The following GRM4 variants were observed in gnomAD, a reference collection of about 807,000 sequenced individuals.
The protein encoded by GRM4 is glutamate metabotropic receptor 4.
In GRM4, 28 loss-of-function variants were observed where a neutral mutation model predicts 81.7. The observed-to-expected ratio is 0.34, with a 90% CI of 0.25 to 0.47. The LOEUF is 0.47. GRM4 is among the 20% of genes least tolerant of loss of function. The pLI, the probability that GRM4 is intolerant of heterozygous loss-of-function variation, is 1.00. For synonymous variants in GRM4, 488 were observed against 528.8 expected (o/e 0.92, Z 1.06); for missense variants, 948 against 1,290.0 (o/e 0.73, Z 4.06).
intron 1 of GRM4, among the ~76,000 whole-genome samples, chr6:34,140,081 G>T (rs1238836497): frequency 6.6e-6 from 1 of 152,216 alleles, no homozygotes; most frequent in Non-Finnish European, 1.5e-5. Flanking sequence ...AGGCAGATAA[G>T]GGGACAGGGA....
intron 1 of GRM4, among the ~76,000 whole-genome samples, chr6:34,153,936 A>G (rs1401783594): frequency 6.6e-6 from 1 of 151,824 alleles, no homozygotes; most frequent in African/African-American, 2.4e-5. Flanking sequence ...AAAAAAAAAA[A>G]AAAAAAGTTG....
At chr6:34,139,087 T>C (rs1434667088) in intron 1 of GRM4, among the ~76,000 whole-genome samples, 1 of 152,258 alleles carries the variant, frequency 6.6e-6, no homozygotes, top group Middle Eastern at 3.2e-3. Context: ...CACAGCCGCA[T>C]GCTAAGAGCT....
At chr6:34,120,567 A>C (rs549744949) in intron 2 of GRM4, among the ~76,000 whole-genome samples, 3 of 151,812 alleles carry the variant, frequency 2.0e-5, no homozygotes, top group African/African-American at 7.3e-5. Context: ...CTTCTCAAAA[A>C]CCTCCTTCCA....
chr6:34,100,064 C>G, intron 2 of GRM4: 1 of 984,006 alleles, frequency 1.0e-6, no homozygotes, highest in Non-Finnish European at 1.2e-6. Context: ...GCTGCCTACT[C>G]CTGCCCTGAG....
At chr6:34,065,021 C>A (rs1308525850) in intron 3 of GRM4, among the ~76,000 whole-genome samples, 7 of 152,286 alleles carry the variant, frequency 4.6e-5, no homozygotes, top group Admixed American at 1.3e-4. Flanking sequence ...CCTTTCCTTG[C>A]AAAGCAATGA....
Position 34,136,931 on chromosome 6 carries a change from G to A in GRM4, c.-363-3072C>T, listed in dbSNP as rs931484720. Among the ~76,000 whole-genome samples, 1 of 151,820 alleles carries A rather than the reference G, an allele frequency of 6.6e-6. No homozygotes were observed. The highest frequency in any genetic ancestry group is 2.4e-5 in the African/African-American group (1 of 41,344). On this transcript the variant is annotated intron_variant, in intron 1 of 10. Coordinates refer to ENST00000538487, the MANE Select transcript of GRM4 (RefSeq NM_000841.4). This position sits in a 1 kb window ranked among gnomAD's most constrained non-coding sequence, Gnocchi z 4.1. ...GAGCCACTGAGAGCAGAGGCAGGGTGTGGTGGGGTGGGTTGGGGTGGGGGC... is the reference window on the plus strand; with the variant it reads ...GAGCCACTGAGAGCAGAGGCAGGGTATGGTGGGGTGGGTTGGGGTGGGGGC...
intron 3 of GRM4, among the ~76,000 whole-genome samples, chr6:34,072,053 A>T (rs375842559): frequency 0.08 from 11,914 of 149,536 alleles, 746 homozygotes; most frequent in African/African-American, 0.2. Flanking sequence ...TGCCACACAC[A>T]CACCCATACA....
Position 34,070,930 on chromosome 6 carries a change from A to G in GRM4, c.737-8902T>C, listed in dbSNP as rs1335328821. Among the ~76,000 whole-genome samples the G allele has an allele frequency of 6.6e-6, 1 of 151,822 alleles. No homozygotes were observed. Among genetic ancestry groups the G allele is most frequent in the South Asian group, 2.1e-4 (1 of 4,826 alleles). ...CAGCTCCCATCACACTTATGGACCC[A>G]CTAAGAACCTCGTACAGCCTCATAG... On this transcript the variant is annotated intron_variant, in intron 3 of 10. Coordinates refer to ENST00000538487, the MANE Select transcript of GRM4 (RefSeq NM_000841.4). The surrounding 1 kb of genome is among the most constrained non-coding windows in gnomAD (Gnocchi z 4.6).
intron 3 of GRM4, among the ~76,000 whole-genome samples, chr6:34,075,078 C>G (rs753151535): frequency 6.6e-6 from 1 of 152,224 alleles, no homozygotes; most frequent in African/African-American, 2.4e-5. Context: ...GGGTCCCTAC[C>G]GAGGTCATGC....
At chr6:34,065,168 G>A (rs1766389903) in intron 3 of GRM4, among the ~76,000 whole-genome samples, 1 of 152,114 alleles carries the variant, frequency 6.6e-6, no homozygotes, top group Non-Finnish European at 1.5e-5. Flanking sequence ...GCACGCACTG[G>A]CACAGATCAA....
At position 34,069,202 on chromosome 6, in the gene GRM4, A is replaced by ACACGCACG. The variant is rs879579000; in HGVS notation, c.737-7182_737-7175dup. Among the ~76,000 whole-genome samples the ACACGCACG allele has an allele frequency of 6.5e-3, 927 of 142,270 alleles. 10 individuals carry two copies. The highest frequency in any genetic ancestry group is 0.047 in the Middle Eastern group (13 of 276). The allele number at this position is 142,270 out of a possible 152,430, so 93.3% of individuals were successfully genotyped here. A position where few individuals can be genotyped will look rare whatever the true frequency, so the allele number is the denominator to read the frequency against. On this transcript the variant is annotated intron_variant, in intron 3 of 10. Transcript: ENST00000538487. The surrounding 1 kb of genome is among the most constrained non-coding windows in gnomAD (Gnocchi z 6.4). ...CACACACACACACACACACACACACACACGCACGCACACACGGCTCCTTCC... is the reference window on the plus strand; with the variant it reads ...CACACACACACACACACACACACACACACGCACGCACGCACGCACACACGGCTCCTTCC...
At chr6:34,145,709 C>T (rs932621256) in intron 1 of GRM4, among the ~76,000 whole-genome samples, 1 of 152,204 alleles carries the variant, frequency 6.6e-6, no homozygotes, top group African/African-American at 2.4e-5. Context: ...CCGCTTGCCC[C>T]GGCGCCCACA....
chr6:34,028,940 T>C (rs1764274820), intron 9 of GRM4, among the ~76,000 whole-genome samples: 1 of 152,144 alleles, frequency 6.6e-6, no homozygotes, highest in African/African-American at 2.4e-5. Context: ...CCCATCGCGA[T>C]ATGGTGGTGG....
intron 2 of GRM4, among the ~76,000 whole-genome samples, chr6:34,094,639 G>A (rs1364497782): frequency 1.3e-5 from 2 of 152,200 alleles, no homozygotes; most frequent in East Asian, 3.9e-4. Context: ...GCTGGGGGGA[G>A]GTCCCTGAGA....
At chr6:34,024,781 A>G in intron 10 of GRM4, 1 of 456,034 alleles carries the variant, frequency 2.2e-6, no homozygotes, top group Non-Finnish European at 4.4e-6. Flanking sequence ...GCAAGTTTCA[A>G]GGTTTATGTG....
chr6:34,134,745 T>C (rs1317922844), intron 1 of GRM4, among the ~76,000 whole-genome samples: 1 of 139,848 alleles, frequency 7.2e-6, no homozygotes, highest in Non-Finnish European at 1.5e-5. Context: ...ACTTCCTCCC[T>C]CTGAGAGCGG....
chr6:34,059,310 C>T lies in GRM4; in HGVS notation c.873-182G>A. The T allele has an allele frequency of 1.6e-6, 1 of 626,554 alleles. No individual in the cohort carries two copies. The highest frequency in any genetic ancestry group is 2.7e-5 in the Admixed American group (1 of 36,860). 38.8% of individuals were successfully genotyped at this position (626,554 alleles called of 1,614,324 possible). On this transcript the variant is annotated intron_variant, in intron 4 of 10. Transcript: ENST00000538487. The surrounding 1 kb of genome is among the most constrained non-coding windows in gnomAD (Gnocchi z 5.7). ...CCCCTACCCGCTGCCCTCACCTGCT[C>T]ATAGACCCATGGCTACCGCCTCATC...
chr6:34,145,953 G>T, intron 1 of GRM4, 47 bp downstream of exon 1: 1 of 972,372 alleles, frequency 1.0e-6, no homozygotes, highest in Non-Finnish European at 1.2e-6. Flanking sequence ...GCCCTCTTCC[G>T]GAAGCCCCCC....
chr6:34,141,192 G>T (rs1368828916), intron 1 of GRM4, among the ~76,000 whole-genome samples: 1 of 152,200 alleles, frequency 6.6e-6, no homozygotes, highest in Non-Finnish European at 1.5e-5. Flanking sequence ...TGAAGGACTG[G>T]GTGGAACCCA....
Sources: allele counts gnomAD v4.1 joint callset (sites outside exome capture counted in the v4.1 genomes callset), GRCh38; gene constraint gnomAD v4.1.1; non-coding constraint Gnocchi (gnomAD v3.1); transcripts MANE v1.5; gene names NCBI Gene and HGNC (gene_info 2026-07-23, HGNC 2026-07-21).